FER: variants seen among roughly 807,000 people sequenced by gnomAD.
The protein encoded by FER is tyrosine-protein kinase Fer.
FER carries 63 observed loss-of-function variants against 111.0 expected under a neutral mutation model. That is an observed-to-expected ratio of 0.57 (90% CI 0.46 to 0.70). FER has a LOEUF of 0.70. Among genes scored for constraint, FER ranks in the 30% least tolerant of loss-of-function variants. The pLI is 0.00. For missense variants in FER, 914 were observed against 954.0 expected, an observed-to-expected ratio of 0.96 and a Z score of 0.55; for synonymous variants, 327 against 313.9, an observed-to-expected ratio of 1.04 and a Z score of -0.44.
In FER at chr5:108,871,568, A is replaced by G. The variant is rs574271486; in HGVS notation, c.803+66A>G. ...TTATTTTTCATTCATACAATAGTTA[A>G]CCACAGATAAAAATAAGAAATACTT... On this transcript the variant is annotated intron_variant, in intron 7 of 19. Coordinates refer to ENST00000281092, the MANE Select transcript of FER (RefSeq NM_005246.4). The G allele has an allele frequency of 5.9e-6, 7 of 1,196,432 alleles. No homozygotes were observed. The South Asian group carries it at 1.2e-4, about 20-fold the overall frequency. The allele number at this position is 1,196,432 out of a possible 1,614,324, so 74.1% of individuals were successfully genotyped here.
chr5:108,833,439 C>G (rs1580776875), intron 4 of FER, among the ~76,000 whole-genome samples: 1 of 151,354 alleles, frequency 6.6e-6, no homozygotes, highest in Non-Finnish European at 1.5e-5. Flanking sequence ...AAATCAACTT[C>G]CACCTACCCA....
At chr5:109,015,279 G>A (rs144714199) in intron 13 of FER, among the ~76,000 whole-genome samples, 4 of 152,036 alleles carry the variant, frequency 2.6e-5, no homozygotes, top group East Asian at 1.9e-4. Context: ...CTGCTGTATC[G>A]GTTTCTTTTG....
At chr5:108,951,793 A>G (rs1418037928) in intron 11 of FER, among the ~76,000 whole-genome samples, 1 of 152,030 alleles carries the variant, frequency 6.6e-6, no homozygotes, top group Non-Finnish European at 1.5e-5. Flanking sequence ...TTTTTAAAAA[A>G]CATTTTTGTT....
chr5:109,180,275 C>T (rs1758147680), intron 17 of FER, among the ~76,000 whole-genome samples: 1 of 152,158 alleles, frequency 6.6e-6, no homozygotes, highest in African/African-American at 2.4e-5. Context: ...TCAGAGTCTA[C>T]TCAGTATCTA....
chr5:108,961,729 C>T (rs1301205651), intron 13 of FER, among the ~76,000 whole-genome samples: 2 of 152,060 alleles, frequency 1.3e-5, no homozygotes, highest in Non-Finnish European at 2.9e-5. Context: ...AAAGCAGAAG[C>T]TTTGAGTTAG....
chr5:109,009,829 C>T (rs1383932128), intron 13 of FER, among the ~76,000 whole-genome samples: 1 of 152,178 alleles, frequency 6.6e-6, no homozygotes, highest in African/African-American at 2.4e-5. Flanking sequence ...GTTGAGACAG[C>T]TGAAATGGCT....
rs1289824023 is a variant in FER at position 109,195,377 on chromosome 5, G to A, written c.*7802G>A. 1 of 152,098 alleles carries A rather than the reference G, an allele frequency of 6.6e-6. No individual in the cohort carries two copies. The highest frequency in any genetic ancestry group is 1.5e-5 in the Non-Finnish European group (1 of 68,024). 9.4% of individuals were successfully genotyped at this position (152,098 alleles called of 1,614,324 possible). A position where few individuals can be genotyped will look rare whatever the true frequency, so the allele number is the denominator to read the frequency against. On this transcript the variant is annotated 3_prime_UTR_variant, in exon 20 of 20. Transcript: ENST00000281092. ...TGTCATAATTCCACCTTAGATTCTA[G>A]ACCTCTCATACCTGCAGTGTACAGA... is the stretch of plus-strand genomic sequence containing the variant.
intron 16 of FER, among the ~76,000 whole-genome samples, chr5:109,086,091 A>C (rs181719883): frequency 6.6e-6 from 1 of 151,876 alleles, no homozygotes; most frequent in Admixed American, 6.6e-5. Flanking sequence ...TTCTAAGAAA[A>C]TTTGTATATG....
At chr5:108,869,563 CAG>C (rs1764409160) in intron 6 of FER, among the ~76,000 whole-genome samples, 2 of 152,042 alleles carry the variant, frequency 1.3e-5, no homozygotes, top group African/African-American at 4.8e-5. Flanking sequence ...GGAGGAAGGA[CAG>C]AGAGAGACAC....
intron 16 of FER, among the ~76,000 whole-genome samples, chr5:109,052,819 T>A (rs1330753749): frequency 6.6e-6 from 1 of 152,200 alleles, no homozygotes; most frequent in African/African-American, 2.4e-5. Context: ...CATATTCAAA[T>A]TCTGTCTACC....
At chr5:109,166,367 G>A (rs79403298) in intron 17 of FER, among the ~76,000 whole-genome samples, 7,794 of 152,070 alleles carry the variant, frequency 0.051, 248 homozygotes, top group South Asian at 0.082. Context: ...CAATGAGAAG[G>A]CACCTGCAAC....
At chr5:109,029,082 A>G (rs562317271) in intron 13 of FER, among the ~76,000 whole-genome samples, 1 of 152,262 alleles carries the variant, frequency 6.6e-6, no homozygotes, top group East Asian at 1.9e-4. Context: ...ATTTTCACCA[A>G]AGGTGGTCAA....
At chr5:108,883,366 G>C (rs200852766) in intron 8 of FER, 30 bp from the exon 9 acceptor site, 1 of 1,555,804 alleles carries the variant, frequency 6.4e-7, no homozygotes, top group South Asian at 1.2e-5. Context: ...TTAATTTGTT[G>C]GTTGTTATTG....
At chr5:108,948,298 A>G (rs1021598347) in intron 11 of FER, among the ~76,000 whole-genome samples, 1 of 152,098 alleles carries the variant, frequency 6.6e-6, no homozygotes, top group South Asian at 2.1e-4. Context: ...AGAACTTAAG[A>G]CTTTGGCTGA....
chr5:109,151,943 C>T (rs181330472), intron 17 of FER, among the ~76,000 whole-genome samples: 4 of 152,086 alleles, frequency 2.6e-5, no homozygotes, highest in Non-Finnish European at 4.4e-5. Flanking sequence ...TGTCATGCCT[C>T]CTGTTCTTAG....
intron 10 of FER, among the ~76,000 whole-genome samples, chr5:108,934,151 A>C (rs1269382341): frequency 6.6e-6 from 1 of 152,138 alleles, no homozygotes; most frequent in Non-Finnish European, 1.5e-5. Flanking sequence ...GTTTTGAATG[A>C]ATGACTGATG....
intron 13 of FER, among the ~76,000 whole-genome samples, chr5:108,962,432 C>G (rs781556773): frequency 6.6e-6 from 1 of 152,172 alleles, no homozygotes; most frequent in Non-Finnish European, 1.5e-5. Context: ...CCCTTTTGCT[C>G]CCCCTTCTTC....
chr5:108,949,043 A>G (rs779641388), intron 11 of FER, among the ~76,000 whole-genome samples: 1 of 152,122 alleles, frequency 6.6e-6, no homozygotes, highest in Non-Finnish European at 1.5e-5. Context: ...AAATCAAAAT[A>G]TTAGAAAATA....
intron 17 of FER, among the ~76,000 whole-genome samples, chr5:109,151,689 C>A (rs529256177): frequency 6.6e-6 from 1 of 152,072 alleles, no homozygotes; most frequent in Non-Finnish European, 1.5e-5. Context: ...GACCTGCGGT[C>A]AAAGCATAAT....
Sources: gnomAD v4.1 joint callset for allele counts (sites outside exome capture counted in the v4.1 genomes callset) on GRCh38, gnomAD v4.1.1 for gene constraint, MANE v1.5 for transcripts, NCBI Gene and HGNC (gene_info 2026-07-23, HGNC 2026-07-21) for gene names.